ENAH: variants seen among roughly 807,000 people sequenced by gnomAD.
ENAH encodes the protein protein enabled homolog.
A neutral mutation model predicts 78.7 loss-of-function variants in ENAH; 23 were observed. The ratio of observed to expected loss-of-function variants is 0.29; its 90% CI spans 0.21 to 0.41. The LOEUF is 0.41. ENAH is among the 10% of genes least tolerant of loss of function. The pLI, the probability that ENAH is intolerant of heterozygous loss-of-function variation, is 1.00. For missense variants in ENAH, 544 were observed against 691.0 expected (o/e 0.79, Z 2.39); for synonymous variants, 226 against 241.0 (o/e 0.94, Z 0.58).
chr1:225,652,540 G>T (rs868018377), intron 1 of ENAH, 146 bp downstream of exon 1: 2 of 1,059,870 alleles, frequency 1.9e-6, no homozygotes, highest in East Asian at 3.2e-5. Flanking sequence ...AATTGGAAGG[G>T]ACAAAAGGCG....
At chr1:225,635,743 T>C (rs1659945465) in intron 1 of ENAH, among the ~76,000 whole-genome samples, 1 of 152,172 alleles carries the variant, frequency 6.6e-6, no homozygotes. Context: ...CCAATATGGC[T>C]GGTGTCTTTA....
chr1:225,538,552 T>TC (rs752956044), intron 3 of ENAH, among the ~76,000 whole-genome samples: 64 of 149,832 alleles, frequency 4.3e-4, no homozygotes, highest in South Asian at 8.5e-4. Context: ...ATAAACATCT[T>TC]CCCCCCCGCC....
intron 1 of ENAH, among the ~76,000 whole-genome samples, chr1:225,643,088 G>A (rs1196601879): frequency 6.6e-6 from 1 of 152,186 alleles, no homozygotes; most frequent in African/African-American, 2.4e-5. Flanking sequence ...GGCCTGTGCT[G>A]GGAACTTGGA....
intron 1 of ENAH, among the ~76,000 whole-genome samples, chr1:225,620,709 A>T (rs1421213306): frequency 1.3e-5 from 2 of 151,898 alleles, no homozygotes; most frequent in Non-Finnish European, 2.9e-5. Flanking sequence ...TAAGCTCCTT[A>T]AATGTGGAGA....
At chr1:225,617,102 T>TAA (rs58590760) in intron 1 of ENAH, among the ~76,000 whole-genome samples, 7 of 142,076 alleles carry the variant, frequency 4.9e-5, no homozygotes, top group South Asian at 2.3e-4. Context: ...CCATCTCAAT[T>TAA]AAAAAAAAAA....
At chr1:225,523,542 A>C (rs1004958103) in intron 4 of ENAH, among the ~76,000 whole-genome samples, 4 of 152,138 alleles carry the variant, frequency 2.6e-5, no homozygotes, top group Non-Finnish European at 5.9e-5. Context: ...TAGCTGCAGG[A>C]GATTCTTACT....
chr1:225,555,350 A>G (rs1351552331), intron 2 of ENAH, among the ~76,000 whole-genome samples: 1 of 152,190 alleles, frequency 6.6e-6, no homozygotes, highest in Admixed American at 6.5e-5. Context: ...GGAGGGCTCG[A>G]GGCAGGCAGA....
At chr1:225,538,775 T>C (rs1164430198) in intron 3 of ENAH, among the ~76,000 whole-genome samples, 1 of 152,232 alleles carries the variant, frequency 6.6e-6, no homozygotes, top group Non-Finnish European at 1.5e-5. Flanking sequence ...CAGTCCACCA[T>C]GTTTTGTAAG....
At chr1:225,623,547 T>C (rs1428729180) in intron 1 of ENAH, among the ~76,000 whole-genome samples, 1 of 151,910 alleles carries the variant, frequency 6.6e-6, no homozygotes, top group African/African-American at 2.4e-5. Context: ...GCCCCCCAAG[T>C]TGTGAACATA....
chr1:225,647,456 T>C (rs924214997), intron 1 of ENAH, among the ~76,000 whole-genome samples: 4 of 152,200 alleles, frequency 2.6e-5, no homozygotes, highest in African/African-American at 9.7e-5. Flanking sequence ...CTGACACTTG[T>C]AGCCACTTCC....
intron 1 of ENAH, among the ~76,000 whole-genome samples, chr1:225,598,792 C>A (rs1354199659): frequency 2.7e-5 from 4 of 149,562 alleles, no homozygotes; most frequent in South Asian, 2.1e-4. Context: ...TGGCAGCTAA[C>A]AAAAGAATAG....
chr1:225,604,754 T>C (rs947103452), intron 1 of ENAH, among the ~76,000 whole-genome samples: 13 of 151,800 alleles, frequency 8.6e-5, no homozygotes, highest in African/African-American at 2.7e-4. Context: ...GATTGCGCCA[T>C]TGCACTCCAG....
At chr1:225,498,206 A>C in intron 13 of ENAH, 141 bp downstream of exon 13, 3 of 664,200 alleles carry the variant, frequency 4.5e-6, no homozygotes, top group Non-Finnish European at 5.2e-6. Context: ...TCCTCCCCAA[A>C]ACCCTAATCC....
intron 1 of ENAH, among the ~76,000 whole-genome samples, chr1:225,650,222 T>A (rs1329249432): frequency 1.3e-5 from 2 of 152,222 alleles, no homozygotes; most frequent in African/African-American, 4.8e-5. Context: ...CCCTCTTTCC[T>A]GCTCTTATTC....
chr1:225,652,369 C>G (rs184140090), intron 1 of ENAH: 1 of 985,414 alleles, frequency 1.0e-6, no homozygotes, highest in Non-Finnish European at 1.2e-6. Context: ...CCCCATCTCC[C>G]GGGTTTCGCT....
At chr1:225,550,300 C>T (rs1443998382) in intron 3 of ENAH, among the ~76,000 whole-genome samples, 2 of 152,176 alleles carry the variant, frequency 1.3e-5, no homozygotes, top group African/African-American at 2.4e-5. Context: ...ACACTACATT[C>T]GCAAGCTGTA....
chr1:225,635,913 G>A (rs1414752953), intron 1 of ENAH, among the ~76,000 whole-genome samples: 1 of 152,312 alleles, frequency 6.6e-6, no homozygotes, highest in African/African-American at 2.4e-5. Flanking sequence ...CTGTAATACA[G>A]AAATCCTCCT....
rs1400630840 is a variant in ENAH, at chr1:225,493,900, GA to G, written c.*3874del. 6.6e-6 allele frequency: 1 copy of G among 152,004 alleles called. No homozygotes were observed. Among genetic ancestry groups the G allele is most frequent in the African/African-American group, 2.4e-5 (1 of 41,392 alleles). 9.4% of individuals were successfully genotyped at this position (152,004 alleles called of 1,614,324 possible). The stretch of plus-strand genomic sequence containing the variant: ...AAGGCCAATTCTTCACAATGGCACT[GA>G]AAGTATATATAAATTTACAAGAGAC... On this transcript the variant is annotated 3_prime_UTR_variant, in exon 14 of 14. Coordinates refer to ENST00000366843, the MANE Select transcript of ENAH (RefSeq NM_018212.6).
chr1:225,651,826 G>T (rs989299191), intron 1 of ENAH, among the ~76,000 whole-genome samples: 8 of 151,930 alleles, frequency 5.3e-5, no homozygotes, highest in Non-Finnish European at 7.4e-5. Context: ...ACCACATCAC[G>T]GTTTATTCTC....
Sources: allele counts gnomAD v4.1 joint callset (sites outside exome capture counted in the v4.1 genomes callset), GRCh38; gene constraint gnomAD v4.1.1; transcripts MANE v1.5; gene names NCBI Gene and HGNC (gene_info 2026-07-23, HGNC 2026-07-21).